Variants in FOXP2 observed in about 807,000 individuals in gnomAD.
The protein encoded by FOXP2 is forkhead box P2, also known as forkhead box protein P2.
FOXP2 carries 12 observed loss-of-function variants against 115.8 expected under a neutral mutation model. That is an observed-to-expected ratio of 0.10 (90% CI 0.07 to 0.17). The LOEUF (loss-of-function observed/expected upper bound fraction) is 0.17, where lower values mean the gene tolerates loss of function less well. Among genes scored for constraint, FOXP2 ranks in the 10% least tolerant of loss-of-function variants. The pLI, the probability that FOXP2 is intolerant of heterozygous loss-of-function variation, is 1.00. For synonymous variants in FOXP2, 328 were observed against 297.7 expected, an observed-to-expected ratio of 1.10 and a Z score of -1.05; for missense variants, 629 against 843.5, an observed-to-expected ratio of 0.75 and a Z score of 3.15.
Position 114,689,902 on chromosome 7 carries a change from G to A in FOXP2, c.2124G>A (p.Glu708=), listed in dbSNP as rs747458485. 1.2e-6 allele frequency: 2 copies of A among 1,613,318 alleles called. No individual in the cohort carries two copies. Among genetic ancestry groups the A allele is most frequent in the South Asian group, 1.1e-5 (1 of 91,070 alleles). Residue 708 remains glutamate, a synonymous_variant, in exon 17 of 17, where the codon GAG becomes GAA. Coordinates refer to ENST00000350908, the MANE Select transcript of FOXP2 (RefSeq NM_014491.4). ...AAGACGACAGAGAGATTGAAGAAGAGCCTTTATCTGAAGATCTGGAATGAG... is the reference window on the plus strand; with the variant it reads ...AAGACGACAGAGAGATTGAAGAAGAACCTTTATCTGAAGATCTGGAATGAG... ...ELEDDREIEE[E]PLSEDLE is the part of the protein sequence containing the mutation.
chr7:114,148,444 T>C (rs1045301532), intron 1 of FOXP2, among the ~76,000 whole-genome samples: 11 of 152,170 alleles, frequency 7.2e-5, no homozygotes, highest in African/African-American at 2.7e-4. Flanking sequence ...CGTTCACTTA[T>C]CCTCTCCACC....
At chr7:114,673,709 T>C (rs1422597827) in intron 16 of FOXP2, among the ~76,000 whole-genome samples, 1 of 151,998 alleles carries the variant, frequency 6.6e-6, no homozygotes, top group African/African-American at 2.4e-5. Context: ...GATACTGACT[T>C]TTTTTTTGAG....
At chr7:114,616,132 C>T (rs1803936804) in intron 3 of FOXP2, among the ~76,000 whole-genome samples, 1 of 151,962 alleles carries the variant, frequency 6.6e-6, no homozygotes, top group Non-Finnish European at 1.5e-5. Flanking sequence ...ATCTTGAACA[C>T]AACAGGTGAG....
At chr7:114,687,928 A>C (rs1808449092) in intron 16 of FOXP2, among the ~76,000 whole-genome samples, 1 of 152,070 alleles carries the variant, frequency 6.6e-6, no homozygotes, top group African/African-American at 2.4e-5. Context: ...ATTCTCAAGA[A>C]TTTTCTAGCC....
Position 114,540,262 on chromosome 7 carries a change from A to G in FOXP2, c.258+5556A>G, listed in dbSNP as rs115002299. Among the ~76,000 whole-genome samples, 1,219 of 152,100 alleles carry G rather than the reference A, an allele frequency of 8.0e-3. 18 individuals are homozygous for G. The highest frequency in any genetic ancestry group is 0.028 in the African/African-American group (1,161 of 41,528). On this transcript the variant is annotated intron_variant, in intron 3 of 16. Coordinates refer to ENST00000350908, the MANE Select transcript of FOXP2 (RefSeq NM_014491.4). The stretch of plus-strand genomic sequence containing the variant: ...CACATATACACTTCACACTCTCCAA[A>G]CATAAACTTATATTTTAATGTTTAT...
intron 1 of FOXP2, among the ~76,000 whole-genome samples, chr7:114,089,569 G>A (rs1431405532): frequency 6.6e-6 from 1 of 151,892 alleles, no homozygotes; most frequent in African/African-American, 2.4e-5. Flanking sequence ...ATTATGATAT[G>A]AAGAGATTTA....
chr7:114,688,969 A>G (rs1245795943), intron 16 of FOXP2, among the ~76,000 whole-genome samples: 1 of 152,106 alleles, frequency 6.6e-6, no homozygotes, highest in Non-Finnish European at 1.5e-5. Flanking sequence ...TTCAGGGGTA[A>G]AAAGGATGAA....
At chr7:114,249,755 G>A (rs777772206) in intron 1 of FOXP2, among the ~76,000 whole-genome samples, 2 of 151,668 alleles carry the variant, frequency 1.3e-5, no homozygotes, top group Non-Finnish European at 2.9e-5. Flanking sequence ...GGGTCAAATG[G>A]TATTTCTGGT....
chr7:114,210,187 T>C (rs1794308560), intron 1 of FOXP2, among the ~76,000 whole-genome samples: 1 of 152,188 alleles, frequency 6.6e-6, no homozygotes. Flanking sequence ...AGAGGTGTTA[T>C]GGTCATTTGG....
At chr7:114,441,649 A>G (rs1228026657) in intron 2 of FOXP2, among the ~76,000 whole-genome samples, 1 of 152,228 alleles carries the variant, frequency 6.6e-6, no homozygotes, top group Admixed American at 6.5e-5. Context: ...TATAAAGAGC[A>G]CTTACAACTC....
At chr7:114,099,962 A>C (rs1287168786) in intron 1 of FOXP2, among the ~76,000 whole-genome samples, 1 of 152,240 alleles carries the variant, frequency 6.6e-6, no homozygotes, top group Admixed American at 6.5e-5. Context: ...TCAATATGTT[A>C]ATTTGCTTCA....
chr7:114,353,440 T>C (rs559960451), intron 2 of FOXP2, among the ~76,000 whole-genome samples: 1 of 146,094 alleles, frequency 6.8e-6, no homozygotes, highest in South Asian at 2.3e-4. Context: ...TGAAGGATAA[T>C]ATTCATGCAC....
intron 1 of FOXP2, among the ~76,000 whole-genome samples, chr7:114,227,595 G>A (rs1794773245): frequency 6.6e-6 from 1 of 151,724 alleles, no homozygotes; most frequent in Non-Finnish European, 1.5e-5. Context: ...TACTTGTATT[G>A]TCAAACTTAC....
chr7:114,651,944 C>T (rs1458638485), intron 8 of FOXP2, among the ~76,000 whole-genome samples: 1 of 152,112 alleles, frequency 6.6e-6, no homozygotes, highest in Non-Finnish European at 1.5e-5. Flanking sequence ...TGTAAATGGT[C>T]TGGGGAAATA....
intron 3 of FOXP2, among the ~76,000 whole-genome samples, chr7:114,580,905 A>G (rs1222491646): frequency 1.3e-5 from 2 of 152,112 alleles, no homozygotes; most frequent in Non-Finnish European, 2.9e-5. Flanking sequence ...AGGAGACTAG[A>G]GTCCCATAAT....
chr7:114,651,624 C>G (rs1339413150), intron 8 of FOXP2, among the ~76,000 whole-genome samples: 1 of 152,072 alleles, frequency 6.6e-6, no homozygotes, highest in Admixed American at 6.6e-5. Flanking sequence ...GAACACTGGA[C>G]ATGAAATGTC....
chr7:114,528,885 CAAAA>C (rs1222161678), intron 2 of FOXP2, among the ~76,000 whole-genome samples: 2 of 151,542 alleles, frequency 1.3e-5, no homozygotes, highest in Non-Finnish European at 3.0e-5. Flanking sequence ...AAAGAATGCA[CAAAA>C]ACTATTATAG....
chr7:114,687,115 G>T (rs1808407783), intron 16 of FOXP2, among the ~76,000 whole-genome samples: 1 of 152,122 alleles, frequency 6.6e-6, no homozygotes, highest in Non-Finnish European at 1.5e-5. Flanking sequence ...AATATTATTT[G>T]ATTCTACGGC....
chr7:114,234,112 C>T (rs1429018941), intron 1 of FOXP2, among the ~76,000 whole-genome samples: 4 of 152,190 alleles, frequency 2.6e-5, no homozygotes, highest in Non-Finnish European at 1.5e-5. Flanking sequence ...CACTGTCTCA[C>T]TCTCTTTTCT....
Sources: allele counts gnomAD v4.1 joint callset (sites outside exome capture counted in the v4.1 genomes callset), GRCh38; gene constraint gnomAD v4.1.1; transcripts MANE v1.5; gene names NCBI Gene and HGNC (gene_info 2026-07-23, HGNC 2026-07-21).